Variants in HDAC9 observed in about 807,000 individuals in gnomAD.
HDAC9 encodes the protein histone deacetylase 9.
In HDAC9, 41 loss-of-function variants were observed where a neutral mutation model predicts 139.4. The ratio of observed to expected loss-of-function variants is 0.29; its 90% confidence interval spans 0.23 to 0.38. HDAC9 has a LOEUF of 0.38. Ranked by LOEUF, HDAC9 falls within the 10% of genes least tolerant of loss-of-function variation. The probability of loss-of-function intolerance (pLI) is 1.00; values close to 1 mark genes in which losing one functional copy is unlikely to be tolerated. For missense variants in HDAC9, 1,147 were observed against 1,297.0 expected (o/e 0.88, Z 1.78); for synonymous variants, 517 against 476.2 (o/e 1.09, Z -1.12).
At chr7:18,240,554 C>T (rs776201951) in intron 2 of HDAC9, among the ~76,000 whole-genome samples, 5 of 152,078 alleles carry the variant, frequency 3.3e-5, no homozygotes, top group South Asian at 2.1e-4. Context: ...CTCTCACAGT[C>T]GTCTCCTAAT....
chr7:18,800,497 A>G (rs1259943863), intron 17 of HDAC9, among the ~76,000 whole-genome samples: 1 of 152,176 alleles, frequency 6.6e-6, no homozygotes, highest in African/African-American at 2.4e-5. Flanking sequence ...ATATGTTTAC[A>G]TTTATTTATA....
chr7:18,652,709 C>A (rs979514201), intron 11 of HDAC9, among the ~76,000 whole-genome samples: 27 of 151,942 alleles, frequency 1.8e-4, no homozygotes, highest in African/African-American at 6.0e-4. Flanking sequence ...ATATTAATAT[C>A]TTTATTAATA....
intron 1 of HDAC9, among the ~76,000 whole-genome samples, chr7:18,371,940 C>CT (rs1784624609): frequency 6.6e-6 from 1 of 152,162 alleles, no homozygotes. Flanking sequence ...CTGCTATATC[C>CT]TGGGCTTCTC....
chr7:18,354,963 C>T (rs571198406), intron 1 of HDAC9, among the ~76,000 whole-genome samples: 1 of 152,212 alleles, frequency 6.6e-6, no homozygotes, highest in East Asian at 1.9e-4. Flanking sequence ...TCTTGAAGAG[C>T]CATAGAGGAT....
chr7:18,737,904 G>A (rs1787075115), intron 13 of HDAC9, among the ~76,000 whole-genome samples: 1 of 152,150 alleles, frequency 6.6e-6, no homozygotes, highest in South Asian at 2.1e-4. Flanking sequence ...AAGTCTCTTT[G>A]TATGTCTCTA....
rs555479990 is a variant in HDAC9, at chr7:18,882,666, G to A, written c.2803+8070G>A. 1.7e-4 allele frequency among the ~76,000 whole-genome samples: 26 copies of A among 151,672 alleles called. No homozygotes were observed. In the South Asian group the frequency reaches 4.8e-3, roughly 28 times the overall value. Reference sequence around the variant, plus strand: ...CAGCCAAAAAAAAAAAAAGTGGGTGGGGAAGGGAGATAATAATTTTACCTA... The same window carrying A: ...CAGCCAAAAAAAAAAAAAGTGGGTGAGGAAGGGAGATAATAATTTTACCTA... On this transcript the variant is annotated intron_variant, in intron 22 of 25. Transcript: ENST00000686413.
intron 22 of HDAC9, among the ~76,000 whole-genome samples, chr7:18,933,209 C>A (rs1422538275): frequency 2.6e-5 from 4 of 152,152 alleles, no homozygotes; most frequent in Admixed American, 2.6e-4. Flanking sequence ...AGCTTGCCAG[C>A]ATGGTCAGGT....
chr7:18,460,076 C>T (rs550292467), intron 1 of HDAC9, among the ~76,000 whole-genome samples: 16 of 151,816 alleles, frequency 1.1e-4, no homozygotes, highest in African/African-American at 1.5e-4. Flanking sequence ...TGTACTACCA[C>T]GCACCACTGA....
At chr7:18,316,136 C>T (rs910402080) in intron 1 of HDAC9, among the ~76,000 whole-genome samples, 1 of 152,102 alleles carries the variant, frequency 6.6e-6, no homozygotes, top group Non-Finnish European at 1.5e-5. Flanking sequence ...AAAATGCAGA[C>T]ACTGATTCAT....
intron 17 of HDAC9, among the ~76,000 whole-genome samples, chr7:18,821,003 C>G (rs1297008780): frequency 6.6e-6 from 1 of 152,102 alleles, no homozygotes; most frequent in Non-Finnish European, 1.5e-5. Flanking sequence ...GGATCAAGTC[C>G]AAGATCAAGG....
chr7:18,302,995 T>C (rs2128615128), intron 1 of HDAC9, among the ~76,000 whole-genome samples: 1 of 152,206 alleles, frequency 6.6e-6, no homozygotes, highest in Middle Eastern at 3.4e-3. Context: ...TAAAGTGTTG[T>C]TTGTCAATTG....
intron 22 of HDAC9, among the ~76,000 whole-genome samples, chr7:18,907,464 A>G (rs1043143242): frequency 1.4e-4 from 22 of 152,228 alleles, no homozygotes; most frequent in African/African-American, 5.1e-4. Flanking sequence ...TGTCAAGATT[A>G]TATCACCTAG....
chr7:18,148,647 A>G (rs1380377994), intron 1 of HDAC9, among the ~76,000 whole-genome samples: 1 of 151,960 alleles, frequency 6.6e-6, no homozygotes, highest in Non-Finnish European at 1.5e-5. Flanking sequence ...TTTAGTAGAG[A>G]TGGGATTTCA....
intron 1 of HDAC9, among the ~76,000 whole-genome samples, chr7:18,331,044 C>T (rs1197811821): frequency 6.6e-6 from 1 of 151,604 alleles, no homozygotes; most frequent in Non-Finnish European, 1.5e-5. Context: ...GTTATCACAA[C>T]CATAAACAGA....
At chr7:18,963,175 T>C (rs937781140) in intron 24 of HDAC9, among the ~76,000 whole-genome samples, 1 of 152,122 alleles carries the variant, frequency 6.6e-6, no homozygotes, top group Admixed American at 6.6e-5. Flanking sequence ...AAACATAAGC[T>C]GAAATTTAAT....
At chr7:18,774,261 C>G (rs1790568390) in intron 16 of HDAC9, among the ~76,000 whole-genome samples, 1 of 151,964 alleles carries the variant, frequency 6.6e-6, no homozygotes, top group African/African-American at 2.4e-5. Flanking sequence ...TCTATGAAGA[C>G]TGATAAGACT....
intron 1 of HDAC9, among the ~76,000 whole-genome samples, chr7:18,124,821 A>T (rs1445616187): frequency 6.6e-6 from 1 of 151,458 alleles, no homozygotes; most frequent in Non-Finnish European, 1.5e-5. Context: ...ACCTCACTGC[A>T]TTTTTCTTAC....
chr7:18,312,803 C>G (rs960799648), intron 1 of HDAC9, among the ~76,000 whole-genome samples: 5 of 152,006 alleles, frequency 3.3e-5, no homozygotes, highest in African/African-American at 1.2e-4. Flanking sequence ...GTATCTTGCC[C>G]TAGACAATCT....
At chr7:18,755,716 AGAGAGT>A (rs1788815715) in intron 14 of HDAC9, among the ~76,000 whole-genome samples, 1 of 152,096 alleles carries the variant, frequency 6.6e-6, no homozygotes, top group South Asian at 2.1e-4. Flanking sequence ...TTAAAAAAAT[AGAGAGT>A]ATATATGCTC....
Sources: gnomAD v4.1 joint callset for allele counts (sites outside exome capture counted in the v4.1 genomes callset) on GRCh38, gnomAD v4.1.1 for gene constraint, MANE v1.5 for transcripts, NCBI Gene and HGNC (gene_info 2026-07-23, HGNC 2026-07-21) for gene names.